Variants in RNF150 observed in about 807,000 individuals in gnomAD.
RNF150 encodes ring finger protein 150.
In RNF150, 24 loss-of-function variants were observed where a neutral mutation model predicts 39.3. That is an observed-to-expected ratio of 0.61 (90% CI 0.44 to 0.86). RNF150 has a LOEUF of 0.86. RNF150 is among the 40% of genes least tolerant of loss of function. The pLI, the probability that RNF150 is intolerant of heterozygous loss-of-function variation, is 0.00. For missense variants in RNF150, 502 were observed against 587.8 expected, an observed-to-expected ratio of 0.85 and a Z score of 1.51; for synonymous variants, 255 against 227.3, an observed-to-expected ratio of 1.12 and a Z score of -1.10.
At chr4:141,113,206 C>A (rs774562995) in intron 1 of RNF150, among the ~76,000 whole-genome samples, 1 of 151,576 alleles carries the variant, frequency 6.6e-6, no homozygotes, top group Non-Finnish European at 1.5e-5. Context: ...GTTATTACCC[C>A]GCTTCTGAGC....
At chr4:140,888,090 G>A (rs999999794) in intron 6 of RNF150, among the ~76,000 whole-genome samples, 1 of 152,184 alleles carries the variant, frequency 6.6e-6, no homozygotes, top group Non-Finnish European at 1.5e-5. Context: ...CTTAAGGATT[G>A]TAAGTAATTT....
intron 1 of RNF150, among the ~76,000 whole-genome samples, chr4:140,997,893 A>G (rs1276794454): frequency 6.6e-6 from 1 of 152,168 alleles, no homozygotes; most frequent in Non-Finnish European, 1.5e-5. Flanking sequence ...GTCACTAGTC[A>G]CAGATTAGGA....
chr4:141,185,341 G>T (rs1357316483), intron 1 of RNF150, among the ~76,000 whole-genome samples: 1 of 151,994 alleles, frequency 6.6e-6, no homozygotes, highest in Non-Finnish European at 1.5e-5. Context: ...GTCTATTATT[G>T]GTTTATATGA....
rs534241883 is a variant in RNF150 at position 140,998,317 on chromosome 4, C to T, written c.485-30444G>A. On this transcript the variant is annotated intron_variant, in intron 1 of 6. Transcript: ENST00000515673. ...ATTAAATAAAGTCATAAGGGTGAGG[C>T]CCTAATCCAAAAGGACTGGTGGCCT... 8.7e-4 allele frequency among the ~76,000 whole-genome samples: 132 copies of T among 151,902 alleles called. No homozygotes were observed. The Middle Eastern group carries it at 0.01, about 12-fold the overall frequency.
intron 1 of RNF150, among the ~76,000 whole-genome samples, chr4:141,160,949 C>A (rs890733241): frequency 6.6e-6 from 1 of 152,024 alleles, no homozygotes; most frequent in Non-Finnish European, 1.5e-5. Flanking sequence ...TGGCCTAATA[C>A]AGAAAATTAG....
chr4:141,157,102 A>T (rs938962464), intron 1 of RNF150, among the ~76,000 whole-genome samples: 2 of 152,112 alleles, frequency 1.3e-5, no homozygotes, highest in African/African-American at 4.8e-5. Flanking sequence ...TAACACTGTC[A>T]TCAGAAACTC....
chr4:141,028,916 T>G (rs2110816434), intron 1 of RNF150, among the ~76,000 whole-genome samples: 1 of 152,246 alleles, frequency 6.6e-6, no homozygotes, highest in East Asian at 1.9e-4. Flanking sequence ...CAGAAAAGAT[T>G]CAGAAATTAA....
exon 1 of RNF150, chr4:141,212,799 C>G (rs1728491579): frequency 6.5e-6 from 1 of 152,974 alleles, no homozygotes; most frequent in Non-Finnish European, 1.5e-5. Flanking sequence ...CTCACAGTTC[C>G]ATAGGCTGTA....
chr4:140,886,841 C>T (rs982174769), intron 6 of RNF150, among the ~76,000 whole-genome samples: 6 of 152,080 alleles, frequency 3.9e-5, no homozygotes, highest in Non-Finnish European at 7.4e-5. Context: ...GTCAATGGTT[C>T]GCTTTTTAAG....
intron 1 of RNF150, among the ~76,000 whole-genome samples, chr4:141,106,568 G>A (rs1739215752): frequency 6.6e-6 from 1 of 152,092 alleles, no homozygotes; most frequent in African/African-American, 2.4e-5. Flanking sequence ...CGAGGCAGGT[G>A]GATCACCTGA....
rs112005248 is a variant in RNF150 at position 141,142,457 on chromosome 4, G to T, written c.-6+70337C>A. On this transcript the variant is annotated intron_variant, in intron 1 of 7. Transcript: ENST00000420921. ...GACAGGCTCTAGTCTCACCTGAAAA[G>T]AATCTTTCCTGTTCTTCCAACAACT... is the stretch of plus-strand genomic sequence containing the variant. Among the ~76,000 whole-genome samples, 622 of 152,278 alleles carry T rather than the reference G, an allele frequency of 4.1e-3. 8 individuals carry two copies. Among genetic ancestry groups the T allele is most frequent in the African/African-American group, 0.014 (591 of 41,560 alleles).
chr4:141,030,094 C>CT (rs1272992672), intron 1 of RNF150, among the ~76,000 whole-genome samples: 1 of 151,208 alleles, frequency 6.6e-6, no homozygotes, highest in Admixed American at 6.6e-5. Context: ...ACTTGGGAGG[C>CT]GAGGCAGGAG....
chr4:141,208,506 C>A (rs1276425522), intron 1 of RNF150, among the ~76,000 whole-genome samples: 1 of 152,206 alleles, frequency 6.6e-6, no homozygotes, highest in African/African-American at 2.4e-5. Context: ...AGTGCCATCA[C>A]CCTGTCAGGA....
chr4:141,195,918 G>A (rs1459697032), intron 1 of RNF150, among the ~76,000 whole-genome samples: 5 of 152,140 alleles, frequency 3.3e-5, no homozygotes, highest in Admixed American at 6.6e-5. Context: ...CAAAGCTCAG[G>A]TTGGAAGTGA....
At chr4:141,102,272 G>A (rs2111038857) in intron 1 of RNF150, among the ~76,000 whole-genome samples, 1 of 152,246 alleles carries the variant, frequency 6.6e-6, no homozygotes, top group Admixed American at 6.5e-5. Context: ...ATCTTGATTA[G>A]GATCTCACTG....
At chr4:140,911,118 G>A in intron 6 of RNF150, 26 bp downstream of exon 6, 1 of 1,578,840 alleles carries the variant, frequency 6.3e-7, no homozygotes, top group Non-Finnish European at 8.7e-7. Context: ...TTCTGGCTAT[G>A]TCACTTTAAG....
chr4:140,990,497 T>A (rs1299649556), intron 1 of RNF150, among the ~76,000 whole-genome samples: 1 of 151,816 alleles, frequency 6.6e-6, no homozygotes, highest in African/African-American at 2.4e-5. Flanking sequence ...CCTCCTCACA[T>A]CCCACCTACT....
intron 1 of RNF150, among the ~76,000 whole-genome samples, chr4:141,003,398 G>A (rs1344658284): frequency 2.0e-5 from 3 of 152,186 alleles, no homozygotes; most frequent in Non-Finnish European, 2.9e-5. Context: ...ACTTCAGACT[G>A]TTTGCCAAAG....
At chr4:140,883,155 AACTCT>A (rs1274037950) in intron 6 of RNF150, among the ~76,000 whole-genome samples, 1 of 152,130 alleles carries the variant, frequency 6.6e-6, no homozygotes, top group Non-Finnish European at 1.5e-5. Context: ...CACATATAAA[AACTCT>A]ACTCTTATAT....
Sources: gnomAD v4.1 joint callset for allele counts (sites outside exome capture counted in the v4.1 genomes callset) on GRCh38, gnomAD v4.1.1 for gene constraint, MANE v1.5 for transcripts, NCBI Gene and HGNC (gene_info 2026-07-23, HGNC 2026-07-21) for gene names.